Variants in MBOAT2 observed in about 807,000 individuals in gnomAD.
MBOAT2 encodes membrane-bound glycerophospholipid O-acyltransferase 2.
Under a neutral mutation model 63.4 loss-of-function variants are expected in MBOAT2, and 28 were observed. The ratio of observed to expected loss-of-function variants is 0.44; its 90% CI spans 0.33 to 0.61. MBOAT2 has a LOEUF of 0.61. Among genes scored for constraint, MBOAT2 ranks in the 20% least tolerant of loss-of-function variants. The pLI is 0.03. For missense variants in MBOAT2, 470 were observed against 605.8 expected, an observed-to-expected ratio of 0.78 and a Z score of 2.35; for synonymous variants, 211 against 215.6, an observed-to-expected ratio of 0.98 and a Z score of 0.19.
intron 1 of MBOAT2, among the ~76,000 whole-genome samples, chr2:8,997,353 C>A (rs1672381731): frequency 6.6e-6 from 1 of 152,104 alleles, no homozygotes; most frequent in South Asian, 2.1e-4. Flanking sequence ...CCTACAGAGG[C>A]AGTAACAACA....
rs138286831 is a variant in MBOAT2 at position 8,909,390 on chromosome 2, G to C, written c.300-674C>G. Among the ~76,000 whole-genome samples, 103 of 152,254 alleles carry C rather than the reference G, an allele frequency of 6.8e-4. 1 individual carries two copies. Among genetic ancestry groups the C allele is most frequent in the African/African-American group, 2.3e-3 (97 of 41,536 alleles). On this transcript the variant is annotated intron_variant, in intron 3 of 12. Coordinates refer to ENST00000305997, the MANE Select transcript of MBOAT2 (RefSeq NM_138799.4). ...TTGTCATCTAATTGGTTCACAGTCT[G>C]GGTGGGGAAAAGCAAGCTATGCCTT...
intron 1 of MBOAT2, among the ~76,000 whole-genome samples, chr2:8,973,198 G>T (rs899331400): frequency 3.0e-4 from 46 of 152,098 alleles, no homozygotes; most frequent in African/African-American, 1.0e-3. Context: ...CATAAAAAAG[G>T]ATGAGTTCAT....
At chr2:8,863,280 G>A (rs1380063021) in intron 10 of MBOAT2, among the ~76,000 whole-genome samples, 1 of 152,152 alleles carries the variant, frequency 6.6e-6, no homozygotes, top group African/African-American at 2.4e-5. Context: ...GTGAAGAGAT[G>A]ACAGCGTATG....
chr2:8,970,606 A>G (rs1214400001), intron 1 of MBOAT2, among the ~76,000 whole-genome samples: 1 of 152,196 alleles, frequency 6.6e-6, no homozygotes, highest in Non-Finnish European at 1.5e-5. Flanking sequence ...GAAGATCAAC[A>G]AAGTTGATAG....
chr2:8,971,832 G>A (rs1670477855), intron 1 of MBOAT2, among the ~76,000 whole-genome samples: 1 of 152,152 alleles, frequency 6.6e-6, no homozygotes, highest in African/African-American at 2.4e-5. Context: ...ACCTCTTCAA[G>A]GAGAACTACA....
At chr2:8,913,861 A>G (rs1254767580) in intron 3 of MBOAT2, among the ~76,000 whole-genome samples, 1 of 152,256 alleles carries the variant, frequency 6.6e-6, no homozygotes, top group Non-Finnish European at 1.5e-5. Flanking sequence ...TTTGAAAAAG[A>G]TACTTGCACA....
chr2:8,911,958 T>C (rs1224174071), intron 3 of MBOAT2, among the ~76,000 whole-genome samples: 1 of 152,092 alleles, frequency 6.6e-6, no homozygotes, highest in Non-Finnish European at 1.5e-5. Flanking sequence ...TAGAATACAG[T>C]GCAAATCATA....
chr2:8,884,653 G>A (rs1276154375), intron 5 of MBOAT2, among the ~76,000 whole-genome samples: 1 of 152,154 alleles, frequency 6.6e-6, no homozygotes, highest in Non-Finnish European at 1.5e-5. Flanking sequence ...TATTTAGTCA[G>A]CATTTCCAAG....
chr2:8,964,100 G>T (rs1459731667), intron 1 of MBOAT2, among the ~76,000 whole-genome samples: 1 of 152,134 alleles, frequency 6.6e-6, no homozygotes, highest in Non-Finnish European at 1.5e-5. Flanking sequence ...AAATATTCCA[G>T]TATTTCTAAT....
At chr2:8,898,493 G>A (rs1447945074) in intron 4 of MBOAT2, among the ~76,000 whole-genome samples, 1 of 152,250 alleles carries the variant, frequency 6.6e-6, no homozygotes, top group Admixed American at 6.5e-5. Flanking sequence ...TGTAGGCAAA[G>A]CTGGGCCTTC....
chr2:8,916,618 G>T (rs1447635513), intron 3 of MBOAT2, among the ~76,000 whole-genome samples: 1 of 152,156 alleles, frequency 6.6e-6, no homozygotes, highest in Non-Finnish European at 1.5e-5. Flanking sequence ...TCACCAAAAG[G>T]TTCAAAATCC....
rs1213066224 is a variant in MBOAT2, at chr2:8,892,465, G to GA, written c.396-4393dup. Among the ~76,000 whole-genome samples the GA allele has an allele frequency of 6.5e-3, 960 of 148,196 alleles. 10 individuals carry two copies. The highest frequency in any genetic ancestry group is 0.022 in the African/African-American group (894 of 40,410). ...ATTCATTTACTTACTGCTTCATTCA[G>GA]AAAAAAAAAAGTATTTAATTAATGA... On this transcript the variant is annotated intron_variant, in intron 4 of 12. Transcript: ENST00000305997.
intron 3 of MBOAT2, among the ~76,000 whole-genome samples, chr2:8,920,213 AT>A (rs1388524735): frequency 1.3e-5 from 2 of 152,114 alleles, no homozygotes; most frequent in South Asian, 2.1e-4. Flanking sequence ...TTTTGAGTTG[AT>A]TTTTATGTAT....
chr2:8,975,163 T>C (rs1394997002), intron 1 of MBOAT2, among the ~76,000 whole-genome samples: 1 of 152,182 alleles, frequency 6.6e-6, no homozygotes, highest in Admixed American at 6.5e-5. Context: ...AATTATTTAC[T>C]GCACTTGTAC....
At chr2:8,933,013 ATG>A (rs1413555181) in intron 3 of MBOAT2, among the ~76,000 whole-genome samples, 1 of 152,212 alleles carries the variant, frequency 6.6e-6, no homozygotes, top group African/African-American at 2.4e-5. Context: ...CCTTTCACTC[ATG>A]CTTCTTTTCT....
chr2:8,981,318 T>A (rs1671177206), intron 1 of MBOAT2, among the ~76,000 whole-genome samples: 1 of 152,206 alleles, frequency 6.6e-6, no homozygotes, highest in Non-Finnish European at 1.5e-5. Context: ...GGGTGAGTTG[T>A]ATGGTACATG....
At chr2:8,964,774 G>C (rs149171496) in intron 1 of MBOAT2, among the ~76,000 whole-genome samples, 121 of 152,286 alleles carry the variant, frequency 7.9e-4, no homozygotes, top group African/African-American at 2.8e-3. Context: ...ACTAATTTTT[G>C]CCAAGCTAAT....
rs1661050471 is a variant in MBOAT2, at chr2:8,855,932, A to G, written c.*2747T>C. On this transcript the variant is annotated 3_prime_UTR_variant, in exon 13 of 13. Coordinates refer to ENST00000305997, the MANE Select transcript of MBOAT2 (RefSeq NM_138799.4). ...CTATTGATTAAAAAAAAGCAAGCACATAATACAACGAATCCCCTTTCTATT... is the reference window on the plus strand; with the variant it reads ...CTATTGATTAAAAAAAAGCAAGCACGTAATACAACGAATCCCCTTTCTATT... 1 of 152,230 alleles carries G rather than the reference A, an allele frequency of 6.6e-6. No homozygotes were observed. The highest frequency in any genetic ancestry group is 2.1e-4 in the South Asian group (1 of 4,828). The allele number at this position is 152,230 out of a possible 1,614,324, so 9.4% of individuals were successfully genotyped here.
At chr2:8,947,880 G>A (rs1306399180) in intron 2 of MBOAT2, among the ~76,000 whole-genome samples, 2 of 152,230 alleles carry the variant, frequency 1.3e-5, no homozygotes, top group Non-Finnish European at 2.9e-5. Flanking sequence ...AGATCAGGGA[G>A]CAATTCTGAC....
Sources: gnomAD v4.1 joint callset for allele counts (sites outside exome capture counted in the v4.1 genomes callset) on GRCh38, gnomAD v4.1.1 for gene constraint, MANE v1.5 for transcripts, NCBI Gene and HGNC (gene_info 2026-07-23, HGNC 2026-07-21) for gene names.